The following HTR1F variants were observed in gnomAD, a reference collection of about 807,000 sequenced individuals.
HTR1F encodes the protein 5-hydroxytryptamine (serotonin) receptor 1F, G protein-coupled.
A neutral mutation model predicts 24.0 loss-of-function variants in HTR1F; 17 were observed. The ratio of observed to expected loss-of-function variants is 0.71; its 90% confidence interval spans 0.48 to 1.06. HTR1F has a LOEUF of 1.06. HTR1F is among the 50% of genes least tolerant of loss of function. The pLI is 0.00. For synonymous variants in HTR1F, 186 were observed against 156.8 expected (o/e 1.19, Z -1.39); for missense variants, 391 against 427.8 (o/e 0.91, Z 0.76).
intron 2 of HTR1F, among the ~76,000 whole-genome samples, chr3:87,935,643 G>A (rs995887266): frequency 6.6e-6 from 1 of 152,084 alleles, no homozygotes; most frequent in African/African-American, 2.4e-5. Context: ...AAAATTTAAA[G>A]TTGAGAATAA....
At chr3:87,852,620 A>G (rs1280655850) in intron 2 of HTR1F, among the ~76,000 whole-genome samples, 1 of 151,656 alleles carries the variant, frequency 6.6e-6, no homozygotes, top group African/African-American at 2.4e-5. Flanking sequence ...GTTTTAGGGT[A>G]CATGTGCACA....
At position 87,888,135 on chromosome 3, in the gene HTR1F, A is replaced by G. The variant is rs557802130; in HGVS notation, c.-43+66011A>G. On this transcript the variant is annotated intron_variant, in intron 2 of 2. Coordinates refer to ENST00000319595, the MANE Select transcript of HTR1F (RefSeq NM_001322209.2). ...ATATATACACCATGGAATACTATGCAGACATAAAAAAAGATGAGTTCATGT... is the reference window on the plus strand; with the variant it reads ...ATATATACACCATGGAATACTATGCGGACATAAAAAAAGATGAGTTCATGT... Among the ~76,000 whole-genome samples the G allele has an allele frequency of 9.5e-4, 144 of 152,310 alleles. 2 individuals are homozygous for G. The highest frequency in any genetic ancestry group is 2.3e-3 in the Admixed American group (35 of 15,296).
intron 2 of HTR1F, among the ~76,000 whole-genome samples, chr3:87,875,887 G>A (rs957143166): frequency 7.0e-6 from 1 of 142,730 alleles, no homozygotes; most frequent in African/African-American, 2.6e-5. Context: ...TCACGCTACT[G>A]CACTCCAGCC....
chr3:87,851,378 T>C (rs1263348661), intron 2 of HTR1F, among the ~76,000 whole-genome samples: 3 of 151,702 alleles, frequency 2.0e-5, no homozygotes, highest in African/African-American at 7.3e-5. Flanking sequence ...TTTTAACTAC[T>C]ATTTTTTTAA....
intron 2 of HTR1F, among the ~76,000 whole-genome samples, chr3:87,880,920 A>T (rs1398495399): frequency 6.6e-6 from 1 of 152,216 alleles, no homozygotes; most frequent in African/African-American, 2.4e-5. Context: ...TGGTATGAGA[A>T]CATATTTTAT....
chr3:87,949,481 G>A (rs1373181467), intron 2 of HTR1F, among the ~76,000 whole-genome samples: 1 of 152,308 alleles, frequency 6.6e-6, no homozygotes, highest in East Asian at 1.9e-4. Context: ...TGATGTATGC[G>A]TTAGGGAAAC....
chr3:87,886,320 A>G (rs1181929253), intron 2 of HTR1F, among the ~76,000 whole-genome samples: 1 of 152,200 alleles, frequency 6.6e-6, no homozygotes, highest in Non-Finnish European at 1.5e-5. Flanking sequence ...TCAATAAACT[A>G]GGTATTGATG....
intron 2 of HTR1F, among the ~76,000 whole-genome samples, chr3:87,912,860 TTGTGCTGGAATAAC>T (rs1258506538): frequency 3.3e-5 from 5 of 152,116 alleles, no homozygotes; most frequent in Non-Finnish European, 5.9e-5. Flanking sequence ...ATTCAATAAA[TTGTGCTGGAATAAC>T]TGGCTAGTCA....
chr3:87,803,051 G>A (rs1382134852), intron 1 of HTR1F, among the ~76,000 whole-genome samples: 1 of 152,118 alleles, frequency 6.6e-6, no homozygotes, highest in Non-Finnish European at 1.5e-5. Context: ...TTTCCTAAAT[G>A]AAGTCTAGAT....
At chr3:87,883,474 T>C (rs1705858793) in intron 2 of HTR1F, among the ~76,000 whole-genome samples, 1 of 152,138 alleles carries the variant, frequency 6.6e-6, no homozygotes, top group Non-Finnish European at 1.5e-5. Context: ...AGAAAGACTT[T>C]AACGAGGTGA....
chr3:87,930,838 C>T (rs1174365626), intron 2 of HTR1F, among the ~76,000 whole-genome samples: 1 of 152,058 alleles, frequency 6.6e-6, no homozygotes, highest in Non-Finnish European at 1.5e-5. Flanking sequence ...CATACCTATA[C>T]ATATACATTT....
At chr3:87,896,004 T>C (rs1450829865) in intron 2 of HTR1F, among the ~76,000 whole-genome samples, 1 of 152,198 alleles carries the variant, frequency 6.6e-6, no homozygotes, top group Non-Finnish European at 1.5e-5. Flanking sequence ...ATATCATCTC[T>C]ATTGTTGAAT....
chr3:87,869,450 TA>T (rs1354688543), intron 2 of HTR1F, among the ~76,000 whole-genome samples: 25 of 117,876 alleles, frequency 2.1e-4, no homozygotes, highest in South Asian at 1.3e-3. Context: ...GATAGATAGA[TA>T]GATGATAGAT....
At chr3:87,897,580 A>C (rs1000724635) in intron 2 of HTR1F, among the ~76,000 whole-genome samples, 1 of 152,130 alleles carries the variant, frequency 6.6e-6, no homozygotes, top group African/African-American at 2.4e-5. Flanking sequence ...TGTCCTATGA[A>C]GATTTTACAT....
Position 87,809,810 on chromosome 3 carries a change from A to G in HTR1F, c.-159-12198A>G, listed in dbSNP as rs74947892. 6.8e-3 allele frequency among the ~76,000 whole-genome samples: 1,038 copies of G among 152,114 alleles called. 19 individuals are homozygous for G. Among genetic ancestry groups the G allele is most frequent in the African/African-American group, 0.024 (992 of 41,546 alleles). On this transcript the variant is annotated intron_variant, in intron 1 of 2. Coordinates refer to ENST00000319595, the MANE Select transcript of HTR1F (RefSeq NM_001322209.2). ...TTCTATGTGAAATTTACTTTATTTT[A>G]TTAAATTCATCTTGTCCAATGTTAG...
chr3:87,812,548 T>A lies in HTR1F; in HGVS notation c.-159-9460T>A, dbSNP rs533537854. On this transcript the variant is annotated intron_variant, in intron 1 of 2. Coordinates refer to ENST00000319595, the MANE Select transcript of HTR1F (RefSeq NM_001322209.2). ...GAAAATTTGCAGCCTGGTGATGCAA[T>A]AGAAAAGAAAAACCCATTTTCTGAG... is the stretch of plus-strand genomic sequence containing the variant. Among the ~76,000 whole-genome samples, 288 of 152,240 alleles carry A rather than the reference T, an allele frequency of 1.9e-3. 2 individuals are homozygous for A. Among genetic ancestry groups the A allele is most frequent in the African/African-American group, 6.7e-3 (277 of 41,554 alleles).
At chr3:87,799,500 A>C (rs1265802842) in intron 1 of HTR1F, among the ~76,000 whole-genome samples, 2 of 152,222 alleles carry the variant, frequency 1.3e-5, no homozygotes, top group Non-Finnish European at 2.9e-5. Context: ...TAGTGATATT[A>C]TTACATTTTA....
At chr3:87,850,593 A>T (rs1456231069) in intron 2 of HTR1F, among the ~76,000 whole-genome samples, 1 of 147,176 alleles carries the variant, frequency 6.8e-6, no homozygotes. Context: ...TGTACCCTAA[A>T]ACATAAGTAT....
intron 2 of HTR1F, among the ~76,000 whole-genome samples, chr3:87,866,506 A>C (rs1187605159): frequency 6.6e-6 from 1 of 151,750 alleles, no homozygotes; most frequent in Non-Finnish European, 1.5e-5. Flanking sequence ...AGCCATCACC[A>C]GATTTTACCT....
Sources: gnomAD v4.1 joint callset for allele counts (sites outside exome capture counted in the v4.1 genomes callset) on GRCh38, gnomAD v4.1.1 for gene constraint, MANE v1.5 for transcripts, NCBI Gene and HGNC (gene_info 2026-07-23, HGNC 2026-07-21) for gene names.